Variants in NPIPB2 observed in about 807,000 individuals in gnomAD.
NPIPB2 encodes nuclear pore complex-interacting protein family member B2.
A neutral mutation model predicts 30.8 loss-of-function variants in NPIPB2; 27 were observed. That is an observed-to-expected ratio of 0.88 (90% CI 0.65 to 1.21). The LOEUF is 1.21. NPIPB2 is among the 50% of genes most tolerant of loss of function. The probability of loss-of-function intolerance (pLI) is 0.00; values close to 1 mark genes in which losing one functional copy is unlikely to be tolerated. For synonymous variants in NPIPB2, 147 were observed against 162.0 expected (o/e 0.91, Z 0.70); for missense variants, 440 against 446.2 (o/e 0.99, Z 0.13).
intron 1 of NPIPB2, among the ~76,000 whole-genome samples, chr16:11,960,547 G>C (rs925002408): frequency 7.2e-5 from 11 of 151,808 alleles, no homozygotes; most frequent in Non-Finnish European, 1.6e-4. Context: ...TGGTGGAGAC[G>C]GGGTTTCACC....
At chr16:11,974,324 C>G (rs932016951) in intron 1 of NPIPB2, among the ~76,000 whole-genome samples, 1 of 152,068 alleles carries the variant, frequency 6.6e-6, no homozygotes, top group Non-Finnish European at 1.5e-5. Context: ...TCAAGGCTGA[C>G]CAACATGGTG....
At chr16:11,935,471 G>C (rs1482180683) in intron 2 of NPIPB2, among the ~76,000 whole-genome samples, 1 of 152,056 alleles carries the variant, frequency 6.6e-6, no homozygotes, top group Non-Finnish European at 1.5e-5. Flanking sequence ...CTGCTACCAT[G>C]CCTGGCTAAT....
chr16:11,966,493 G>T (rs942887062), intron 1 of NPIPB2: 3 of 785,724 alleles, frequency 3.8e-6, no homozygotes, highest in African/African-American at 1.8e-5. Context: ...ACTTGGTAGA[G>T]GTGAGCCATC....
chr16:11,971,074 C>T (rs1158007922), intron 1 of NPIPB2, among the ~76,000 whole-genome samples: 1 of 150,084 alleles, frequency 6.7e-6, no homozygotes, highest in Admixed American at 6.7e-5. Flanking sequence ...CAAGGCTGGT[C>T]TTGAACTCCT....
chr16:11,969,029 G>A (rs1402039097), intron 1 of NPIPB2, among the ~76,000 whole-genome samples: 2 of 151,798 alleles, frequency 1.3e-5, no homozygotes, highest in African/African-American at 2.4e-5. Flanking sequence ...ACCATGCCCT[G>A]CTGATTTTTG....
intron 1 of NPIPB2, among the ~76,000 whole-genome samples, chr16:11,951,833 C>A (rs2055068837): frequency 1.3e-5 from 2 of 151,378 alleles, no homozygotes; most frequent in Non-Finnish European, 2.9e-5. Context: ...CAAGACCATC[C>A]TGGCTAACAG....
intron 4 of NPIPB2, among the ~76,000 whole-genome samples, chr16:11,932,574 T>G (rs974038253): frequency 1.3e-5 from 2 of 149,936 alleles, no homozygotes; most frequent in Non-Finnish European, 3.0e-5. Flanking sequence ...TCAGGAGTTC[T>G]AGACCAGCTT....
intron 1 of NPIPB2, among the ~76,000 whole-genome samples, chr16:11,949,555 G>C (rs1465185560): frequency 6.6e-6 from 1 of 152,224 alleles, no homozygotes; most frequent in African/African-American, 2.4e-5. Context: ...TAAATCAGCA[G>C]CAGCTTATTC....
chr16:11,931,567 TGGGAGCA>T (rs996548968), intron 4 of NPIPB2, among the ~76,000 whole-genome samples: 2 of 152,156 alleles, frequency 1.3e-5, no homozygotes, highest in Non-Finnish European at 2.9e-5. Flanking sequence ...GAGAATGCAA[TGGGAGCA>T]GGGTCCTGTC....
At chr16:11,960,484 G>A (rs1188431940) in intron 1 of NPIPB2, among the ~76,000 whole-genome samples, 1 of 150,810 alleles carries the variant, frequency 6.6e-6, no homozygotes, top group Non-Finnish European at 1.5e-5. Context: ...AGGCTCCCAC[G>A]TAGCTAGGAT....
At chr16:11,930,649 C>G in intron 4 of NPIPB2, 98 bp from the exon 5 acceptor site, 2 of 923,244 alleles carry the variant, frequency 2.2e-6, no homozygotes, top group Non-Finnish European at 1.6e-6. Context: ...ATTCAAAGAT[C>G]CCCCCTGCAA....
chr16:11,961,975 A>G (rs1245415666), intron 1 of NPIPB2, among the ~76,000 whole-genome samples: 2 of 150,992 alleles, frequency 1.3e-5, no homozygotes, highest in Non-Finnish European at 3.0e-5. Context: ...TGAGGCAGGA[A>G]GATCACTTGA....
At chr16:11,940,351 AT>A (rs1286010618) in intron 1 of NPIPB2, among the ~76,000 whole-genome samples, 8 of 121,952 alleles carry the variant, frequency 6.6e-5, no homozygotes, top group African/African-American at 2.2e-4. Flanking sequence ...ACTGTCTCAA[AT>A]AAATAAATAA....
chr16:11,964,147 C>T (rs2150938716), intron 1 of NPIPB2: 1 of 152,182 alleles, frequency 6.6e-6, no homozygotes, highest in Admixed American at 6.6e-5. Flanking sequence ...ATCGCATCGG[C>T]AGGTCTGTTT....
At chr16:11,945,961 C>G (rs539055764), upstream of NPIPB2, among the ~76,000 whole-genome samples, 1 of 150,406 alleles carries the variant, frequency 6.6e-6, no homozygotes, top group Non-Finnish European at 1.5e-5. Flanking sequence ...TATATTATGA[C>G]TCCAGTGTTT....
intron 1 of NPIPB2, among the ~76,000 whole-genome samples, chr16:11,975,643 T>A (rs988916922): frequency 4.6e-5 from 7 of 151,886 alleles, no homozygotes; most frequent in African/African-American, 7.3e-5. Flanking sequence ...CAGGCTGGAG[T>A]GCAGTGGTGG....
At chr16:11,956,680 G>A (rs1274154497) in intron 1 of NPIPB2, among the ~76,000 whole-genome samples, 1 of 152,062 alleles carries the variant, frequency 6.6e-6, no homozygotes, top group East Asian at 1.9e-4. Context: ...TGTCTCAAAA[G>A]AAAAGAAAAG....
exon 4 of NPIPB2, chr16:11,933,649 C>A: frequency 6.3e-7 from 1 of 1,596,764 alleles, no homozygotes; most frequent in Non-Finnish European, 8.5e-7. Context: ...GTCTTTCAGG[C>A]CAATTTTATT....
At chr16:11,941,362 GGGGAGGGGAAGGGGAGA>G (rs1170074432) in intron 1 of NPIPB2, 7 of 266,420 alleles carry the variant, frequency 2.6e-5, no homozygotes, top group South Asian at 8.0e-5. Flanking sequence ...GGGAGGGGAG[GGGGAGGGGAAGGGGAGA>G]GGAAGGGGGG....
Sources: gnomAD v4.1 joint callset for allele counts (sites outside exome capture counted in the v4.1 genomes callset) on GRCh38, gnomAD v4.1.1 for gene constraint, MANE v1.5 for transcripts, NCBI Gene and HGNC (gene_info 2026-07-23, HGNC 2026-07-21) for gene names.